The following SHANK2 variants were observed in gnomAD, a reference collection of about 807,000 sequenced individuals.
SHANK2 encodes the protein SH3 and multiple ankyrin repeat domains 2.
Under a neutral mutation model 133.7 loss-of-function variants are expected in SHANK2, and 43 were observed. The observed-to-expected ratio is 0.32, with a 90% CI of 0.25 to 0.41. The LOEUF (loss-of-function observed/expected upper bound fraction) is 0.41, where lower values mean the gene tolerates loss of function less well. Ranked by LOEUF, SHANK2 falls within the 10% of genes least tolerant of loss-of-function variation. SHANK2 has a pLI of 1.00. For synonymous variants in SHANK2, 1,017 were observed against 952.8 expected, an observed-to-expected ratio of 1.07 and a Z score of -1.24; for missense variants, 1,994 against 2,235.8, an observed-to-expected ratio of 0.89 and a Z score of 2.18.
chr11:70,848,904 T>C (rs1333636160), intron 11 of SHANK2, among the ~76,000 whole-genome samples: 4 of 152,184 alleles, frequency 2.6e-5, no homozygotes, highest in Admixed American at 6.5e-5. Flanking sequence ...AAGTGCATGA[T>C]GCTGGGAGAC....
chr11:70,844,441 C>T (rs1038295336), intron 11 of SHANK2, among the ~76,000 whole-genome samples: 8 of 152,146 alleles, frequency 5.3e-5, no homozygotes, highest in South Asian at 2.1e-4. Context: ...TCATCTAAAA[C>T]GCTGGGCACG....
At chr11:70,706,489 G>C (rs537215623) in intron 14 of SHANK2, among the ~76,000 whole-genome samples, 1 of 152,254 alleles carries the variant, frequency 6.6e-6, no homozygotes, top group African/African-American at 2.4e-5. Context: ...GCCCTGGCTG[G>C]GGCAGTGGCT....
chr11:71,070,418 A>G (rs984925689), intron 9 of SHANK2, among the ~76,000 whole-genome samples: 3 of 152,366 alleles, frequency 2.0e-5, no homozygotes, highest in South Asian at 4.1e-4. Context: ...AAGGCTGGAA[A>G]TCAAAACCAG....
intron 10 of SHANK2, among the ~76,000 whole-genome samples, chr11:70,939,296 G>A (rs550611610): frequency 6.6e-6 from 1 of 152,024 alleles, no homozygotes; most frequent in Non-Finnish European, 1.5e-5. Flanking sequence ...CCAACATGGT[G>A]AAACCCCATC....
chr11:70,786,586 G>A (rs1947659208), intron 14 of SHANK2, among the ~76,000 whole-genome samples: 1 of 152,178 alleles, frequency 6.6e-6, no homozygotes, highest in South Asian at 2.1e-4. Flanking sequence ...AGATGAGAAA[G>A]CTGAGACATA....
intron 12 of SHANK2, among the ~76,000 whole-genome samples, chr11:70,809,012 G>C (rs782804294): frequency 6.6e-6 from 1 of 152,188 alleles, no homozygotes; most frequent in East Asian, 1.9e-4. Context: ...TTCTACACCC[G>C]ACAGTAAGAC....
chr11:71,205,019 T>C (rs1318159913), intron 2 of SHANK2, among the ~76,000 whole-genome samples: 1 of 151,930 alleles, frequency 6.6e-6, no homozygotes, highest in Non-Finnish European at 1.5e-5. Context: ...CTGCCCTCTC[T>C]CCTCTTCCCC....
At chr11:71,115,525 C>A (rs1359210516) in intron 4 of SHANK2, among the ~76,000 whole-genome samples, 4 of 152,128 alleles carry the variant, frequency 2.6e-5, no homozygotes, top group African/African-American at 7.2e-5. Context: ...ACAATGAAAC[C>A]AGAGCAGCAG....
chr11:70,556,967 C>T (rs2059840262), intron 17 of SHANK2, among the ~76,000 whole-genome samples: 1 of 152,142 alleles, frequency 6.6e-6, no homozygotes, highest in South Asian at 2.1e-4. Flanking sequence ...AAGTGATCCT[C>T]CTGCCCTTGG....
intron 21 of SHANK2, among the ~76,000 whole-genome samples, chr11:70,498,240 C>A (rs2059000345): frequency 6.6e-6 from 1 of 152,246 alleles, no homozygotes; most frequent in Non-Finnish European, 1.5e-5. Flanking sequence ...AATGTCACTC[C>A]ATTTCCAAAA....
chr11:70,679,990 G>A (rs964037602), intron 15 of SHANK2, among the ~76,000 whole-genome samples: 3 of 152,178 alleles, frequency 2.0e-5, no homozygotes, highest in African/African-American at 4.8e-5. Context: ...GGAGGCCGAC[G>A]GGTGGGACAG....
chr11:70,873,104 G>A (rs1555070516), intron 11 of SHANK2: 1 of 471,254 alleles, frequency 2.1e-6, no homozygotes, highest in Non-Finnish European at 4.4e-6. Context: ...TGCAGCTTGG[G>A]CCCTGCAGTT....
At chr11:70,779,196 T>C (rs1169385744) in intron 14 of SHANK2, among the ~76,000 whole-genome samples, 1 of 151,714 alleles carries the variant, frequency 6.6e-6, no homozygotes, top group East Asian at 1.9e-4. Context: ...GAGCGGCTGC[T>C]ACGAAACAGC....
intron 9 of SHANK2, among the ~76,000 whole-genome samples, chr11:71,063,030 GAGAGAA>G (rs1951006855): frequency 6.8e-6 from 1 of 146,472 alleles, no homozygotes; most frequent in South Asian, 2.2e-4. Flanking sequence ...TAGAGAGTAA[GAGAGAA>G]AGAGAAAGAG....
At chr11:71,141,913 A>C (rs1377662598) in intron 3 of SHANK2, among the ~76,000 whole-genome samples, 2 of 152,322 alleles carry the variant, frequency 1.3e-5, no homozygotes, top group Middle Eastern at 6.8e-3. Flanking sequence ...GACCCCGCAC[A>C]GACACAAAAT....
chr11:71,248,459 A>G (rs1954991899), intron 1 of SHANK2, among the ~76,000 whole-genome samples: 2 of 152,168 alleles, frequency 1.3e-5, no homozygotes, highest in African/African-American at 4.8e-5. Flanking sequence ...GGGCTCCCCT[A>G]CCCACTAGCT....
rs556503552 is a variant in SHANK2 at position 70,883,009 on chromosome 11, A to T, written c.1174+13492T>A. On this transcript the variant is annotated intron_variant, in intron 11 of 25. Transcript: ENST00000601538. ...CAGAGGTCAAGGTGGCAGAGAGAGA[A>T]GCAGTGTTATGGGCAGCCTTAGCAG... 5.9e-5 allele frequency among the ~76,000 whole-genome samples: 9 copies of T among 152,252 alleles called. 1 individual carries two copies. Among genetic ancestry groups the T allele is most frequent in the African/African-American group, 2.2e-4 (9 of 41,546 alleles).
chr11:70,640,438 G>A (rs1555005919), intron 17 of SHANK2, among the ~76,000 whole-genome samples: 1 of 152,224 alleles, frequency 6.6e-6, no homozygotes, highest in Non-Finnish European at 1.5e-5. Flanking sequence ...AGCCACCATG[G>A]GGAGCAGGGC....
intron 17 of SHANK2, among the ~76,000 whole-genome samples, chr11:70,525,495 GGAGCA>G (rs2059383928): frequency 6.6e-6 from 1 of 151,946 alleles, no homozygotes; most frequent in Non-Finnish European, 1.5e-5. Context: ...CCTTCTGCTA[GGAGCA>G]TGAGACAGAC....
Sources: allele counts gnomAD v4.1 joint callset (sites outside exome capture counted in the v4.1 genomes callset), GRCh38; gene constraint gnomAD v4.1.1; transcripts MANE v1.5; gene names NCBI Gene and HGNC (gene_info 2026-07-23, HGNC 2026-07-21).